Variants in TNPO1 observed in about 807,000 individuals in gnomAD.
The protein encoded by TNPO1 is transportin-1.
TNPO1 carries 8 observed loss-of-function variants against 119.5 expected under a neutral mutation model. The ratio of observed to expected loss-of-function variants is 0.07; its 90% CI spans 0.04 to 0.12. TNPO1 has a LOEUF of 0.12. Among genes scored for constraint, TNPO1 ranks in the 10% least tolerant of loss-of-function variants. The pLI, the probability that TNPO1 is intolerant of heterozygous loss-of-function variation, is 1.00. For synonymous variants in TNPO1, 362 were observed against 363.0 expected (o/e 1.00, Z 0.03); for missense variants, 576 against 1,089.8 (o/e 0.53, Z 6.64).
At chr5:72,822,018 A>T (rs1300255855) in intron 1 of TNPO1, among the ~76,000 whole-genome samples, 3 of 152,202 alleles carry the variant, frequency 2.0e-5, no homozygotes, top group African/African-American at 7.2e-5. Context: ...AGATTTGACT[A>T]AGGTCTTAAT....
chr5:72,875,383 A>T (rs1201341603), intron 7 of TNPO1, among the ~76,000 whole-genome samples: 1 of 152,196 alleles, frequency 6.6e-6, no homozygotes, highest in Admixed American at 6.5e-5. Context: ...AAATTTCCTC[A>T]AAGTACAGCT....
At chr5:72,896,705 A>G in intron 19 of TNPO1, 149 bp downstream of exon 19, 1 of 568,854 alleles carries the variant, frequency 1.8e-6, no homozygotes, top group East Asian at 3.5e-5. Flanking sequence ...CCCCGTCTCT[A>G]CTAAAAATAC....
At chr5:72,877,161 T>A in intron 8 of TNPO1, 67 bp from the exon 9 acceptor site, 2 of 746,402 alleles carry the variant, frequency 2.7e-6, no homozygotes, top group Non-Finnish European at 4.3e-6. Flanking sequence ...TGCTTGATAA[T>A]AGGACTGAAT....
At chr5:72,828,504 G>A (rs116716714) in intron 1 of TNPO1, among the ~76,000 whole-genome samples, 4 of 151,944 alleles carry the variant, frequency 2.6e-5, no homozygotes, top group African/African-American at 7.2e-5. Flanking sequence ...TGCTTCTCTC[G>A]CTGTCTCTAC....
intron 18 of TNPO1, among the ~76,000 whole-genome samples, chr5:72,895,140 A>G (rs1160641362): frequency 6.6e-6 from 1 of 151,506 alleles, no homozygotes; most frequent in Non-Finnish European, 1.5e-5. Flanking sequence ...GTTTTTTGTT[A>G]AAGAAACCAT....
chr5:72,906,565 A>C (rs1449801932), intron 24 of TNPO1, among the ~76,000 whole-genome samples: 2 of 152,014 alleles, frequency 1.3e-5, no homozygotes, highest in Non-Finnish European at 2.9e-5. Context: ...GCTGGGATTT[A>C]CAGGCGTAAG....
At position 72,848,504 on chromosome 5, in the gene TNPO1, C is replaced by A; in HGVS notation, c.129+6C>A. ...TCCAGAGAACCGTGCAACAAGTATC[C>A]TTTCCGAGGCCTGGCCGCCACCCGC... is the stretch of plus-strand genomic sequence containing the variant. On this transcript the variant is annotated splice_donor_region_variant and intron_variant, in intron 2 of 24. Transcript: ENST00000337273. The A allele has an allele frequency of 6.5e-7, 1 of 1,540,322 alleles. No homozygotes were observed.
chr5:72,872,128 A>G (rs938662609), intron 6 of TNPO1, among the ~76,000 whole-genome samples: 1 of 152,192 alleles, frequency 6.6e-6, no homozygotes, highest in African/African-American at 2.4e-5. Context: ...CTATTTCATT[A>G]ACCCTGGTAA....
intron 22 of TNPO1, among the ~76,000 whole-genome samples, chr5:72,901,649 A>G (rs780621017): frequency 1.3e-5 from 2 of 152,188 alleles, no homozygotes; most frequent in Non-Finnish European, 2.9e-5. Flanking sequence ...CCAACTGCCA[A>G]TTTTCTAGAC....
chr5:72,895,644 A>T (rs1749374834), intron 18 of TNPO1, among the ~76,000 whole-genome samples: 1 of 152,220 alleles, frequency 6.6e-6, no homozygotes. Context: ...TTAGGAGTTT[A>T]AAAAATTATG....
chr5:72,905,253 C>A, intron 23 of TNPO1, 50 bp from the exon 24 acceptor site: 2 of 1,372,298 alleles, frequency 1.5e-6, no homozygotes, highest in Non-Finnish European at 2.0e-6. Flanking sequence ...CTATGCTGAT[C>A]TGAATTTTTC....
Position 72,889,873 on chromosome 5 carries a change from T to C in TNPO1, c.1617T>C (p.Ser539=), listed in dbSNP as rs1748922523. The change falls in exon 14 of 25, where the codon AGT becomes AGC. Residue 539 remains serine (S), a synonymous_variant. Coordinates refer to ENST00000337273, the MANE Select transcript of TNPO1 (RefSeq NM_002270.4). ...TTGATACCCTGGTCTTTGCATTTAG[T>C]AAATACCAGCATAAGAACCTGCTCA... ...YILDTLVFAF[S]KYQHKNLLIL... 3.1e-6 allele frequency: 5 copies of C among 1,613,660 alleles called. No homozygotes were observed. The highest frequency in any genetic ancestry group is 1.7e-5 in the Admixed American group (1 of 59,986).
intron 3 of TNPO1, 94 bp from the exon 4 acceptor site, chr5:72,855,680 A>G (rs940905441): frequency 4.2e-5 from 45 of 1,060,046 alleles, no homozygotes; most frequent in Middle Eastern, 3.2e-4. Flanking sequence ...TTGAATGTCA[A>G]TCAACTTTTG....
At chr5:72,889,764 C>CTTTTTTTTT in intron 13 of TNPO1, 22 bp from the exon 14 acceptor site, 1 of 1,315,746 alleles carries the variant, frequency 7.6e-7, no homozygotes. Flanking sequence ...AATAAGTATT[C>CTTTTTTTTT]TTTTTTTTTT....
Position 72,910,365 on chromosome 5 carries a change from G to A in TNPO1, c.*1692G>A, listed in dbSNP as rs1750480181. 1 of 152,560 alleles carries A rather than the reference G, an allele frequency of 6.6e-6. No homozygotes were observed. Among genetic ancestry groups the A allele is most frequent in the Non-Finnish European group, 1.5e-5 (1 of 68,012 alleles). The allele number at this position is 152,560 out of a possible 1,614,324, so 9.5% of individuals were successfully genotyped here. Reference sequence around the variant, plus strand: ...CCATGTGTATTTTCTTATATACTGTGAATGTGAAAACCTAACTGGTACACT... The same window carrying A: ...CCATGTGTATTTTCTTATATACTGTAAATGTGAAAACCTAACTGGTACACT... On this transcript the variant is annotated 3_prime_UTR_variant, in exon 25 of 25. Transcript: ENST00000337273.
At chr5:72,841,117 C>G (rs1048010777) in intron 1 of TNPO1, among the ~76,000 whole-genome samples, 4 of 111,288 alleles carry the variant, frequency 3.6e-5, no homozygotes, top group African/African-American at 5.5e-5. Context: ...TAGACTCTCT[C>G]TCTTTTTTTT....
chr5:72,865,404 T>G (rs1746803791), intron 5 of TNPO1, among the ~76,000 whole-genome samples, 192 bp from the exon 6 acceptor site: 1 of 43,270 alleles, frequency 2.3e-5, no homozygotes, highest in African/African-American at 6.2e-5. Context: ...ATGGTGCCAC[T>G]GCCAGCCTGG....
chr5:72,843,209 T>C (rs1246907060), intron 1 of TNPO1, among the ~76,000 whole-genome samples: 1 of 152,218 alleles, frequency 6.6e-6, no homozygotes, highest in African/African-American at 2.4e-5. Flanking sequence ...AAGAAATCTG[T>C]TTATAGATAT....
At chr5:72,879,498 C>A (rs924104736) in intron 9 of TNPO1, among the ~76,000 whole-genome samples, 1 of 152,136 alleles carries the variant, frequency 6.6e-6, no homozygotes, top group African/African-American at 2.4e-5. Context: ...TTAAACAACT[C>A]AAGCCAGTCA....
Sources: gnomAD v4.1 joint callset for allele counts (sites outside exome capture counted in the v4.1 genomes callset) on GRCh38, gnomAD v4.1.1 for gene constraint, MANE v1.5 for transcripts, NCBI Gene and HGNC (gene_info 2026-07-23, HGNC 2026-07-21) for gene names.